The following PI4KA variants were observed in gnomAD, a reference collection of about 807,000 sequenced individuals.
PI4KA encodes PI4-kinase alpha.
In PI4KA, 122 loss-of-function variants were observed where a neutral mutation model predicts 271.4. The ratio of observed to expected loss-of-function variants is 0.45; its 90% CI spans 0.39 to 0.52. The LOEUF (loss-of-function observed/expected upper bound fraction) is 0.52, where lower values mean the gene tolerates loss of function less well. PI4KA is among the 20% of genes least tolerant of loss of function. The pLI, the probability that PI4KA is intolerant of heterozygous loss-of-function variation, is 0.00. For missense variants in PI4KA, 1,969 were observed against 2,769.1 expected, an observed-to-expected ratio of 0.71 and a Z score of 6.48; for synonymous variants, 1,041 against 1,078.8, an observed-to-expected ratio of 0.96 and a Z score of 0.69.
Position 20,753,117 on chromosome 22 carries a change from G to T in PI4KA, c.2855C>A (p.Ala952Glu), listed in dbSNP as rs556992818. The T allele has an allele frequency of 1.9e-6, 3 of 1,614,020 alleles. No individual in the cohort carries two copies. Among genetic ancestry groups the T allele is most frequent in the Non-Finnish European group, 2.5e-6 (3 of 1,179,978 alleles). ...KVFDAFLNMM[A>E]DKAKTKENEE... The stretch of plus-strand genomic sequence containing the variant: ...CATGCTGGAGAGGCTTACTTTATCC[G>T]CCATCATGTTCAGGAAGGCATCGAA... Residue 952 changes from alanine (A) to glutamate (E), a missense_variant, in exon 24 of 55, where the codon GCG becomes GAG. Ala to Glu is a moderately radical substitution (Grantham distance 107). Coordinates refer to ENST00000255882, the MANE Select transcript of PI4KA (RefSeq NM_058004.4).
chr22:20,795,022 G>A (rs892561870), intron 18 of PI4KA, among the ~76,000 whole-genome samples: 6 of 152,186 alleles, frequency 3.9e-5, no homozygotes, highest in Admixed American at 3.3e-4. Flanking sequence ...CACAGAGTAG[G>A]TGAACAATAA....
chr22:20,783,959 G>A (rs1341057561), intron 19 of PI4KA: 1 of 1,614,078 alleles, frequency 6.2e-7, no homozygotes, highest in African/African-American at 1.3e-5. Context: ...GCCTCTTCCT[G>A]TGGCCTTTAC....
chr22:20,779,935 G>A lies in PI4KA; in HGVS notation c.2328+13258C>T, dbSNP rs5907. 1.8e-3 allele frequency: 2,829 copies of A among 1,614,202 alleles called. 4 individuals carry two copies. The highest frequency in any genetic ancestry group is 2.1e-3 in the Non-Finnish European group (2,508 of 1,180,052). The stretch of plus-strand genomic sequence containing the variant: ...AATCTCTTCCGTAAGCTGACTCATC[G>A]CCTCTTCAGGAGGAATTTTGGGTAC... On this transcript the variant is annotated intron_variant, in intron 19 of 54. Coordinates refer to ENST00000255882, the MANE Select transcript of PI4KA (RefSeq NM_058004.4).
At chr22:20,805,218 A>C (rs887158473) in intron 10 of PI4KA, 53 bp from the exon 11 acceptor site, 4 of 1,275,430 alleles carry the variant, frequency 3.1e-6, no homozygotes, top group Admixed American at 1.7e-5. Flanking sequence ...AGTAGAACAC[A>C]GGCAGTGCTA....
At chr22:20,736,593 T>C (rs928038389) in intron 32 of PI4KA, 1 of 153,618 alleles carries the variant, frequency 6.5e-6, no homozygotes, top group Non-Finnish European at 1.4e-5. Context: ...GAGAGTCATC[T>C]GTGGGATGTG....
chr22:20,798,446 C>G (rs906784631), intron 17 of PI4KA, 138 bp downstream of exon 17: 47 of 676,114 alleles, frequency 7.0e-5, no homozygotes, highest in Non-Finnish European at 1.1e-4. Flanking sequence ...TTCACTTCCC[C>G]CCTTATGTGT....
intron 1 of PI4KA, among the ~76,000 whole-genome samples, chr22:20,852,562 C>T (rs1410574646): frequency 6.6e-6 from 1 of 152,092 alleles, no homozygotes; most frequent in Non-Finnish European, 1.5e-5. Context: ...ATTTTTTCTT[C>T]TTCCAATTTC....
rs1262039785 is a variant in PI4KA, at chr22:20,751,342, G to C, written c.3104C>G (p.Pro1035Arg). The change falls in exon 27 of 55, where the codon CCC becomes CGC. Residue 1035 changes from proline (P) to arginine (R), a missense_variant. By Grantham distance (103) the Pro-to-Arg change is moderately radical (BLOSUM62 -2). Around this residue, in one of 13 missense-constraint regions of PI4KA, gnomAD observed 368 missense variants for 544.3 expected, o/e 0.68. Transcript: ENST00000255882. Reference protein sequence around the residue: ...IHKDQPYYDIPDAPYRITVPD... With the variant: ...IHKDQPYYDIRDAPYRITVPD... Reference sequence around the variant, plus strand: ...AACCGTGATCCGGTAGGGGGCGTCGGGGATGTCATAGTAAGGCTGATCCTT... The same window carrying C: ...AACCGTGATCCGGTAGGGGGCGTCGCGGATGTCATAGTAAGGCTGATCCTT... The C allele has an allele frequency of 6.2e-7, 1 of 1,613,954 alleles. No homozygotes were observed. Among genetic ancestry groups the C allele is most frequent in the Non-Finnish European group, 8.5e-7 (1 of 1,179,994 alleles).
intron 19 of PI4KA, chr22:20,786,979 C>T (rs148607413): frequency 7.1e-5 from 114 of 1,614,082 alleles, no homozygotes; most frequent in African/African-American, 9.3e-5. Flanking sequence ...GCTTCACTGT[C>T]GACCGCCCCT....
intron 42 of PI4KA, among the ~76,000 whole-genome samples, chr22:20,723,607 G>C (rs1336888973): frequency 6.6e-6 from 1 of 151,620 alleles, no homozygotes; most frequent in Non-Finnish European, 1.5e-5. Flanking sequence ...AAGGCAGGTG[G>C]ATCACCTGAG....
At chr22:20,828,779 T>A (rs1358812757) in intron 3 of PI4KA, among the ~76,000 whole-genome samples, 1 of 152,080 alleles carries the variant, frequency 6.6e-6, no homozygotes, top group Non-Finnish European at 1.5e-5. Flanking sequence ...GGTCTCAATC[T>A]CCTGACCTCG....
At chr22:20,812,931 C>G (rs1337902798) in intron 8 of PI4KA, among the ~76,000 whole-genome samples, 1 of 152,144 alleles carries the variant, frequency 6.6e-6, no homozygotes, top group East Asian at 1.9e-4. Context: ...TGGTATCACC[C>G]TCAATGTCAT....
At chr22:20,803,522 T>C (rs947380223) in intron 12 of PI4KA, among the ~76,000 whole-genome samples, 4 of 152,248 alleles carry the variant, frequency 2.6e-5, no homozygotes, top group African/African-American at 9.6e-5. Context: ...GGACATCAAC[T>C]ACTATTTTTT....
intron 10 of PI4KA, among the ~76,000 whole-genome samples, chr22:20,806,809 C>A (rs763157268): frequency 3.4e-4 from 51 of 151,932 alleles, no homozygotes; most frequent in Non-Finnish European, 6.6e-4. Context: ...GGGCTCACTG[C>A]AACCTCCGCC....
In PI4KA at chr22:20,710,712, A is replaced by G. The variant is rs1925149252; in HGVS notation, c.6070T>C (p.Tyr2024His). 1 of 1,614,064 alleles carries G rather than the reference A, an allele frequency of 6.2e-7. No homozygotes were observed. The highest frequency in any genetic ancestry group is 8.5e-7 in the Non-Finnish European group (1 of 1,179,890). Residue 2024 changes from tyrosine to histidine, a missense_variant, in exon 52 of 55, where the codon TAC (tyrosine) becomes CAC (histidine). Coordinates refer to ENST00000255882, the MANE Select transcript of PI4KA (RefSeq NM_058004.4). ...KWFMEMCVRGYLAVRPYMDAV... is the reference protein window; with the variant it reads ...KWFMEMCVRGHLAVRPYMDAV... ...ACCCAGGCTCACCGCACAGCCAGGT[A>G]GCCTCGGACACACATCTCCATGAAC...
rs866019550 is a variant in PI4KA, at chr22:20,734,168, G to A, written c.3927C>T (p.Ala1309=). Residue 1309 remains alanine (A), a synonymous_variant, in exon 34 of 55, where the codon GCC becomes GCT. Coordinates refer to ENST00000255882, the MANE Select transcript of PI4KA (RefSeq NM_058004.4). ...IDFLVQRFEI[A]KYCSSDQVEI... ...CCACTTGGTCAGAGCTGCAGTACTT[G>A]GCGATCTCAAACCGCTGCACCAGGA... The A allele has an allele frequency of 1.3e-6, 2 of 1,548,052 alleles. No individual in the cohort carries two copies. Among genetic ancestry groups the A allele is most frequent in the South Asian group, 2.4e-5 (2 of 83,502 alleles).
chr22:20,855,590 G>A (rs1481801061), intron 1 of PI4KA, among the ~76,000 whole-genome samples: 1 of 152,096 alleles, frequency 6.6e-6, no homozygotes, highest in African/African-American at 2.4e-5. Context: ...AGCATGTCAG[G>A]GCTGCCTGTA....
At chr22:20,725,701 C>A in intron 42 of PI4KA, 1 of 302,006 alleles carries the variant, frequency 3.3e-6, no homozygotes, top group Non-Finnish European at 7.0e-6. Flanking sequence ...TTGAGACCAG[C>A]CTGGGACAAC....
At chr22:20,831,151 GGTGGTGGTAAAGAAA>G (rs1359979797) in intron 3 of PI4KA, among the ~76,000 whole-genome samples, 1 of 152,144 alleles carries the variant, frequency 6.6e-6, no homozygotes, top group African/African-American at 2.4e-5. Context: ...CTGTAAGGCA[GGTGGTGGTAAAGAAA>G]TCCCTTAGCA....
Sources: allele counts gnomAD v4.1 joint callset (sites outside exome capture counted in the v4.1 genomes callset), GRCh38; gene constraint gnomAD v4.1.1; regional missense constraint gnomAD v4.1.1; transcripts MANE v1.5; gene names NCBI Gene and HGNC (gene_info 2026-07-23, HGNC 2026-07-21).